Variants in NKAIN2 observed in about 807,000 individuals in gnomAD.
NKAIN2 encodes the protein sodium/potassium-transporting ATPase subunit beta-1-interacting protein 2.
A neutral mutation model predicts 32.6 loss-of-function variants in NKAIN2; 14 were observed. The observed-to-expected ratio is 0.43, with a 90% CI of 0.28 to 0.67. The LOEUF (loss-of-function observed/expected upper bound fraction) is 0.67. Ranked by LOEUF, NKAIN2 falls within the 30% of genes least tolerant of loss-of-function variation. The probability of loss-of-function intolerance (pLI) is 0.17; values close to 1 mark genes in which losing one functional copy is unlikely to be tolerated. For missense variants in NKAIN2, 198 were observed against 258.3 expected, an observed-to-expected ratio of 0.77 and a Z score of 1.60; for synonymous variants, 80 against 87.2, an observed-to-expected ratio of 0.92 and a Z score of 0.46.
chr6:123,932,305 T>C (rs1776285240), intron 1 of NKAIN2, among the ~76,000 whole-genome samples: 2 of 152,042 alleles, frequency 1.3e-5, no homozygotes, highest in African/African-American at 4.8e-5. Context: ...TCACTTCTCC[T>C]GCAGCATCCA....
At chr6:124,422,335 C>T (rs531211) in intron 3 of NKAIN2, among the ~76,000 whole-genome samples, 37,835 of 151,542 alleles carry the variant, frequency 0.25, 4,835 homozygotes, top group Non-Finnish European at 0.27. Context: ...AAAGGCCAAG[C>T]AGAAGAACAA....
chr6:124,211,579 C>CT (rs1791178299), intron 1 of NKAIN2, among the ~76,000 whole-genome samples: 1 of 151,896 alleles, frequency 6.6e-6, no homozygotes, highest in Non-Finnish European at 1.5e-5. Flanking sequence ...TTGGAAATGT[C>CT]TAAGAGTTCT....
At chr6:124,075,605 A>G (rs1278887331) in intron 1 of NKAIN2, among the ~76,000 whole-genome samples, 1 of 151,996 alleles carries the variant, frequency 6.6e-6, no homozygotes, top group African/African-American at 2.4e-5. Context: ...TTATTTATTT[A>G]TTTATTTAGA....
rs199827541 is a variant in NKAIN2, at chr6:123,903,302, G to GT, written c.54+99055dup. Among the ~76,000 whole-genome samples, 1,251 of 152,102 alleles carry GT rather than the reference G, an allele frequency of 8.2e-3. 14 individuals carry two copies. Among genetic ancestry groups the GT allele is most frequent in the African/African-American group, 0.028 (1,166 of 41,510 alleles). On this transcript the variant is annotated intron_variant, in intron 1 of 6. Coordinates refer to ENST00000368417, the MANE Select transcript of NKAIN2 (RefSeq NM_001040214.3). ...TCTAAATTTGTTTTTTGTTGTTGTT[G>GT]TTTTTTTGCTGATGGAGAAAGTGCT...
rs774041450 is a variant in NKAIN2 at position 124,712,371 on chromosome 6, GT to G, written c.474+53988del. Among the ~76,000 whole-genome samples, 238 of 115,218 alleles carry G rather than the reference GT, an allele frequency of 2.1e-3. 56 individuals are homozygous for G. The highest frequency in any genetic ancestry group is 3.4e-3 in the Non-Finnish European group (186 of 54,378). 75.6% of individuals were successfully genotyped at this position (115,218 alleles called of 152,430 possible). A position where few individuals can be genotyped will look rare whatever the true frequency, so the allele number is the denominator to read the frequency against. ...CCAGTTGGAGCTTTCTGGCTGCTTTGTTTACCTAATCAAGCCTGGGCAATGG... is the reference window on the plus strand; with the variant it reads ...CCAGTTGGAGCTTTCTGGCTGCTTTGTTACCTAATCAAGCCTGGGCAATGG... On this transcript the variant is annotated intron_variant, in intron 4 of 6. Transcript: ENST00000368417.
At chr6:124,314,894 T>A (rs1040481728) in intron 2 of NKAIN2, among the ~76,000 whole-genome samples, 2 of 152,176 alleles carry the variant, frequency 1.3e-5, no homozygotes, top group African/African-American at 4.8e-5. Flanking sequence ...TGAACATACG[T>A]TAACCAAGGA....
chr6:123,906,124 G>C (rs561901703), intron 1 of NKAIN2, among the ~76,000 whole-genome samples: 67 of 152,200 alleles, frequency 4.4e-4, no homozygotes, highest in African/African-American at 1.5e-3. Context: ...CCATTATATA[G>C]TAATAAATGT....
intron 3 of NKAIN2, among the ~76,000 whole-genome samples, chr6:124,581,040 A>C (rs1275380474): frequency 1.3e-5 from 2 of 152,244 alleles, no homozygotes; most frequent in Non-Finnish European, 2.9e-5. Context: ...ATGCAAAGCA[A>C]ATATTATTAG....
intron 4 of NKAIN2, among the ~76,000 whole-genome samples, chr6:124,687,331 C>A (rs568666210): frequency 2.3e-5 from 3 of 132,692 alleles, no homozygotes; most frequent in South Asian, 2.5e-4. Context: ...TATATATATT[C>A]CATACATATA....
At chr6:124,206,560 A>T (rs1790897291) in intron 1 of NKAIN2, among the ~76,000 whole-genome samples, 1 of 151,904 alleles carries the variant, frequency 6.6e-6, no homozygotes, top group Admixed American at 6.6e-5. Flanking sequence ...GTATTCTAAT[A>T]TTTTTAATTG....
intron 4 of NKAIN2, among the ~76,000 whole-genome samples, chr6:124,769,486 A>T (rs954241143): frequency 6.6e-6 from 1 of 152,132 alleles, no homozygotes; most frequent in Non-Finnish European, 1.5e-5. Context: ...TAGTTTTTGC[A>T]TGCCTATTTA....
intron 5 of NKAIN2, among the ~76,000 whole-genome samples, chr6:124,798,020 C>T (rs1780080623): frequency 6.6e-6 from 1 of 152,030 alleles, no homozygotes; most frequent in Non-Finnish European, 1.5e-5. Context: ...TTCCTTCCTT[C>T]CTTCCTCCCC....
chr6:124,155,592 T>C (rs936717996), intron 1 of NKAIN2, among the ~76,000 whole-genome samples: 3 of 151,476 alleles, frequency 2.0e-5, no homozygotes, highest in Non-Finnish European at 4.4e-5. Context: ...GTGTAATATA[T>C]GCTATCTTTT....
rs1270626435 is a variant in NKAIN2, at chr6:124,427,493, TA to T, written c.273+72149del. Among the ~76,000 whole-genome samples the T allele has an allele frequency of 2.0e-5, 3 of 152,214 alleles. No homozygotes were observed. The East Asian group carries it at 5.8e-4, about 29-fold the overall frequency. Reference sequence around the variant, plus strand: ...ATATTATATGTTAATTATACCTCAGTAAATTCTTTGTAAAATGTAAAACAGC... The same window carrying T: ...ATATTATATGTTAATTATACCTCAGTAATTCTTTGTAAAATGTAAAACAGC... On this transcript the variant is annotated intron_variant, in intron 3 of 6. Coordinates refer to ENST00000368417, the MANE Select transcript of NKAIN2 (RefSeq NM_001040214.3).
chr6:124,147,009 T>C (rs575801818), intron 1 of NKAIN2, among the ~76,000 whole-genome samples: 7 of 152,312 alleles, frequency 4.6e-5, no homozygotes, highest in Non-Finnish European at 5.9e-5. Context: ...ACTCTTAATA[T>C]ATTACATCTG....
chr6:124,309,498 A>G (rs1796634533), intron 2 of NKAIN2, among the ~76,000 whole-genome samples: 1 of 152,142 alleles, frequency 6.6e-6, no homozygotes, highest in African/African-American at 2.4e-5. Flanking sequence ...TTAAATAGAT[A>G]AAACCTACTA....
intron 1 of NKAIN2, among the ~76,000 whole-genome samples, chr6:124,137,258 A>G (rs1007618707): frequency 2.0e-5 from 3 of 152,102 alleles, no homozygotes; most frequent in Non-Finnish European, 4.4e-5. Flanking sequence ...CTTTTTTTCA[A>G]CGACTGGAAA....
chr6:123,806,866 G>T (rs993617204), intron 1 of NKAIN2, among the ~76,000 whole-genome samples: 1 of 151,932 alleles, frequency 6.6e-6, no homozygotes, highest in African/African-American at 2.4e-5. Flanking sequence ...TCCAGTCCTC[G>T]GAGCAAAGTA....
At chr6:123,872,283 G>A (rs1369776606) in intron 1 of NKAIN2, among the ~76,000 whole-genome samples, 1 of 152,204 alleles carries the variant, frequency 6.6e-6, no homozygotes, top group Non-Finnish European at 1.5e-5. Context: ...ACATATGAGT[G>A]TAATATCAAG....
Sources: gnomAD v4.1 joint callset for allele counts (sites outside exome capture counted in the v4.1 genomes callset) on GRCh38, gnomAD v4.1.1 for gene constraint, MANE v1.5 for transcripts, NCBI Gene and HGNC (gene_info 2026-07-23, HGNC 2026-07-21) for gene names.